TTC38: variants seen among roughly 807,000 people sequenced by gnomAD.
The protein encoded by TTC38 is tetratricopeptide repeat domain 38.
A neutral mutation model predicts 64.2 loss-of-function variants in TTC38; 64 were observed. The observed-to-expected ratio is 1.00, with a 90% CI of 0.81 to 1.23. TTC38 has a LOEUF of 1.23. Ranked by LOEUF, TTC38 falls within the 50% of genes most tolerant of loss-of-function variation. The probability of loss-of-function intolerance (pLI) is 0.00; values close to 1 mark genes in which losing one functional copy is unlikely to be tolerated. For missense variants in TTC38, 573 were observed against 615.5 expected, an observed-to-expected ratio of 0.93 and a Z score of 0.73; for synonymous variants, 254 against 249.3, an observed-to-expected ratio of 1.02 and a Z score of -0.18.
rs767774199 is a variant in TTC38 at position 46,274,069 on chromosome 22, G to C, written c.365G>C (p.Gly122Ala). 3.7e-6 allele frequency: 6 copies of C among 1,613,826 alleles called. No individual in the cohort carries two copies. The South Asian group carries it at 6.6e-5, about 18-fold the overall frequency. Residue 122 changes from glycine to alanine, a missense_variant and splice_region_variant, in exon 4 of 14, where the codon GGG becomes GCG. Around this residue, in one of 3 missense-constraint regions of TTC38, gnomAD observed 68 missense variants for 107.3 expected, o/e 0.63. Coordinates refer to ENST00000381031, the MANE Select transcript of TTC38 (RefSeq NM_017931.4). The surrounding 1 kb of genome is among the most constrained non-coding windows in gnomAD (Gnocchi z 4.8). ...HVSAVETFAN[G>A]NFPKACELWE... ...TCTGCAGTAGAGACATTTGCCAATG[G>C]GTGAGGGGCCTCCCTGGGCTGGGAG...
rs1359031551 is a variant in TTC38, at chr22:46,282,792, C to A, written c.735+1074C>A. On this transcript the variant is annotated intron_variant, in intron 7 of 13. Transcript: ENST00000381031. The surrounding 1 kb of genome is among the most constrained non-coding windows in gnomAD (Gnocchi z 4.4). ...GCAGGGGCCAGCTCTGAGCCCAGCA[C>A]AGGTCCTACTTTAACACTGCTTCAT... Among the ~76,000 whole-genome samples the A allele has an allele frequency of 6.6e-6, 1 of 152,184 alleles. No individual in the cohort carries two copies. The highest frequency in any genetic ancestry group is 1.5e-5 in the Non-Finnish European group (1 of 68,032).
chr22:46,289,711 A>G, intron 12 of TTC38, 115 bp from the exon 13 acceptor site: 1 of 1,469,458 alleles, frequency 6.8e-7, no homozygotes. Context: ...TTCGTCGTTG[A>G]GGGTGTGGCA....
Position 46,292,759 on chromosome 22 carries a change from C to CTAAGGATG in TTC38, c.1317-31_1317-30insAAGGATGT. 3 of 1,594,460 alleles carry CTAAGGATG rather than the reference C, an allele frequency of 1.9e-6. No individual in the cohort carries two copies. The highest frequency in any genetic ancestry group is 2.6e-6 in the Non-Finnish European group (3 of 1,162,722). On this transcript the variant is annotated intron_variant, in intron 13 of 13. Coordinates refer to ENST00000381031, the MANE Select transcript of TTC38 (RefSeq NM_017931.4). The surrounding 1 kb of genome is among the most constrained non-coding windows in gnomAD (Gnocchi z 6.5). ...AGGCCCCACATCCCTCTAGAAGGTTCTGTAACAGGACCTCTGTGTCTGTTT... is the reference window on the plus strand; with the variant it reads ...AGGCCCCACATCCCTCTAGAAGGTTCTAAGGATGTGTAACAGGACCTCTGTGTCTGTTT...
intron 6 of TTC38, among the ~76,000 whole-genome samples, 192 bp downstream of exon 6, chr22:46,278,853 C>G (rs897273780): frequency 6.6e-6 from 1 of 152,186 alleles, no homozygotes; most frequent in African/African-American, 2.4e-5. Context: ...CACCTGTGGC[C>G]CCCCCAAAGT....
intron 2 of TTC38, chr22:46,268,934 G>A (rs1389846222): frequency 1.2e-5 from 4 of 340,208 alleles, no homozygotes; most frequent in East Asian, 8.3e-5. Context: ...TGATCCGCCC[G>A]CCTCGGCCTC....
In TTC38 at chr22:46,271,254, T is replaced by C. The variant is rs1936889811; in HGVS notation, c.112-1081T>C. Among the ~76,000 whole-genome samples the C allele has an allele frequency of 2.0e-5, 3 of 152,120 alleles. No homozygotes were observed. In the South Asian group the frequency reaches 6.2e-4, roughly 32 times the overall value. ...TTCTTTTCTTTTTTCTTTTTTTTCT[T>C]TTTTGAGACAGAGTCTCACTCTGTC... On this transcript the variant is annotated intron_variant, in intron 2 of 13. Coordinates refer to ENST00000381031, the MANE Select transcript of TTC38 (RefSeq NM_017931.4). The surrounding 1 kb of genome is among the most constrained non-coding windows in gnomAD (Gnocchi z 5.5).
chr22:46,292,934 C>T lies in TTC38; in HGVS notation c.*50C>T, dbSNP rs778468694. The T allele has an allele frequency of 7.7e-6, 11 of 1,430,462 alleles. No individual in the cohort carries two copies. The highest frequency in any genetic ancestry group is 2.3e-5 in the East Asian group (1 of 43,474). 88.6% of individuals were successfully genotyped at this position (1,430,462 alleles called of 1,614,324 possible). A position where few individuals can be genotyped will look rare whatever the true frequency, so the allele number is the denominator to read the frequency against. ...CAGAACCTCAGTGGTGGCGTCACTG[C>T]GTCCAGTCAGCTGCTCCACCGGGTT... On this transcript the variant is annotated 3_prime_UTR_variant, in exon 14 of 14. Transcript: ENST00000381031. This position sits in a 1 kb window ranked among gnomAD's most constrained non-coding sequence, Gnocchi z 6.5.
intron 12 of TTC38, 118 bp downstream of exon 12, chr22:46,289,679 T>C: frequency 2.8e-6 from 4 of 1,448,988 alleles, no homozygotes; most frequent in Non-Finnish European, 3.8e-6. Context: ...TGAACGTGTC[T>C]CTCACACTCC....
chr22:46,286,227 A>C (rs2077570621), intron 9 of TTC38, among the ~76,000 whole-genome samples: 1 of 152,100 alleles, frequency 6.6e-6, no homozygotes, highest in South Asian at 2.1e-4. Flanking sequence ...ACAGCTCCCA[A>C]GGACCCCAGG....
chr22:46,280,835 C>T (rs927036222), intron 6 of TTC38, among the ~76,000 whole-genome samples: 3 of 152,220 alleles, frequency 2.0e-5, no homozygotes, highest in Admixed American at 1.3e-4. Flanking sequence ...GCATGGGGGA[C>T]CTGGGCACAG....
At position 46,273,936 on chromosome 22, in the gene TTC38, GGCACTGGAAGC is replaced by G. The variant is rs1188917407; in HGVS notation, c.233_243del (p.Gly78ValfsTer48). On this transcript the variant is annotated frameshift_variant, in exon 4 of 14. Transcript: ENST00000381031. LOFTEE classifies it high-confidence loss of function. The surrounding 1 kb of genome is among the most constrained non-coding windows in gnomAD (Gnocchi z 5.1). ...CATGGCTACTGGCCTTGTGCTGATT[GGCACTGGAAGC>G]TCCGTGAAGCTGGACAAAGAGCTGG... 6.2e-7 allele frequency: 1 copy of G among 1,614,242 alleles called. No homozygotes were observed. Among genetic ancestry groups the G allele is most frequent in the South Asian group, 1.1e-5 (1 of 91,086 alleles).
At position 46,268,099 on chromosome 22, in the gene TTC38, T is replaced by C. The variant is rs1199949854; in HGVS notation, c.33+27T>C. ...TACACGGAGGCTGCCCCCAACCAGG[T>C]CCCCCTCGGGCCCCGGGTCCTGGGG... On this transcript the variant is annotated intron_variant, in intron 1 of 13. Transcript: ENST00000381031. The C allele has an allele frequency of 9.8e-6, 15 of 1,532,104 alleles. No individual in the cohort carries two copies. In the East Asian group the frequency reaches 3.0e-4, roughly 31 times the overall value. The allele number at this position is 1,532,104 out of a possible 1,614,324, so 94.9% of individuals were successfully genotyped here. A position where few individuals can be genotyped will look rare whatever the true frequency, so the allele number is the denominator to read the frequency against.
Position 46,268,010 on chromosome 22 carries a change from A to C in TTC38, c.-30A>C. The C allele has an allele frequency of 1.3e-6, 2 of 1,526,436 alleles. No individual in the cohort carries two copies. Among genetic ancestry groups the C allele is most frequent in the South Asian group, 1.2e-5 (1 of 82,398 alleles). 94.6% of individuals were successfully genotyped at this position (1,526,436 alleles called of 1,614,324 possible). On this transcript the variant is annotated 5_prime_UTR_variant, in exon 1 of 14. Coordinates refer to ENST00000381031, the MANE Select transcript of TTC38 (RefSeq NM_017931.4). ...CTCCCAGGAAGGCCCGGGTGCCCAG[A>C]GCTCGCGGTGGACTCCGACCCGGCG...
At chr22:46,288,327 C>T (rs2077585993) in intron 10 of TTC38, 96 bp from the exon 11 acceptor site, 1 of 1,326,658 alleles carries the variant, frequency 7.5e-7, no homozygotes, top group Admixed American at 2.0e-5. Context: ...ACAGGGTCAT[C>T]AAGGCCTCCA....
At chr22:46,269,102 G>C (rs751394989) in intron 2 of TTC38, 1 of 426,144 alleles carries the variant, frequency 2.3e-6, no homozygotes, top group Non-Finnish European at 4.8e-6. Context: ...CCCCCCCACA[G>C]CGTCCTAAAA....
At position 46,281,745 on chromosome 22, in the gene TTC38, C is replaced by T. The variant is rs886546369; in HGVS notation, c.735+27C>T. The T allele has an allele frequency of 2.5e-6, 4 of 1,612,672 alleles. No homozygotes were observed. The African/African-American group carries it at 4.0e-5, about 16-fold the overall frequency. On this transcript the variant is annotated intron_variant, in intron 7 of 13. Transcript: ENST00000381031. The surrounding 1 kb of genome is among the most constrained non-coding windows in gnomAD (Gnocchi z 5.2). Reference sequence around the variant, plus strand: ...TATGATGCTTGTCAATGGGTCACCTCCCTGGGAAATTCAGTGCATCCCCTT... The same window carrying T: ...TATGATGCTTGTCAATGGGTCACCTTCCTGGGAAATTCAGTGCATCCCCTT...
chr22:46,273,284 A>C lies in TTC38; in HGVS notation c.194-614A>C, dbSNP rs1936935198. 6.6e-6 allele frequency among the ~76,000 whole-genome samples: 1 copy of C among 152,160 alleles called. No individual in the cohort carries two copies. On this transcript the variant is annotated intron_variant, in intron 3 of 13. Coordinates refer to ENST00000381031, the MANE Select transcript of TTC38 (RefSeq NM_017931.4). This position sits in a 1 kb window ranked among gnomAD's most constrained non-coding sequence, Gnocchi z 5.1. ...AATCACCAGCTGTTTTCCAGGGTCC[A>C]CATGGGTGGTCCTAGCACACTATGG...
rs1185068268 is a variant in TTC38 at position 46,275,142 on chromosome 22, C to T, written c.366-106C>T. 29 of 1,126,886 alleles carry T rather than the reference C, an allele frequency of 2.6e-5. 2 individuals are homozygous for T. The South Asian group carries it at 4.3e-4, about 17-fold the overall frequency. 69.8% of individuals were successfully genotyped at this position (1,126,886 alleles called of 1,614,324 possible). A position where few individuals can be genotyped will look rare whatever the true frequency, so the allele number is the denominator to read the frequency against. On this transcript the variant is annotated intron_variant, in intron 4 of 13. Coordinates refer to ENST00000381031, the MANE Select transcript of TTC38 (RefSeq NM_017931.4). This position sits in a 1 kb window ranked among gnomAD's most constrained non-coding sequence, Gnocchi z 4.5. Reference sequence around the variant, plus strand: ...AGTCAGAAACTGATTTTTAAAAAAACACATCCATGTAGACCATGACACTGG... The same window carrying T: ...AGTCAGAAACTGATTTTTAAAAAAATACATCCATGTAGACCATGACACTGG...
chr22:46,289,756 C>G, intron 12 of TTC38, 70 bp from the exon 13 acceptor site: 2 of 1,557,210 alleles, frequency 1.3e-6, no homozygotes, highest in Non-Finnish European at 1.8e-6. Context: ...GCAGGCAGCC[C>G]GCGGTGGGCG....
Sources: gnomAD v4.1 joint callset for allele counts (sites outside exome capture counted in the v4.1 genomes callset) on GRCh38, gnomAD v4.1.1 for gene constraint, gnomAD v4.1.1 regional missense constraint, Gnocchi (gnomAD v3.1) non-coding constraint, MANE v1.5 for transcripts, NCBI Gene and HGNC (gene_info 2026-07-23, HGNC 2026-07-21) for gene names.